LITAF: variants seen among roughly 807,000 people sequenced by gnomAD.
The protein encoded by LITAF is lipopolysaccharide-induced tumor necrosis factor-alpha factor.
LITAF carries 9 observed loss-of-function variants against 14.5 expected under a neutral mutation model. That is an observed-to-expected ratio of 0.62 (90% CI 0.37 to 1.08). The LOEUF (loss-of-function observed/expected upper bound fraction) is 1.08. Among genes scored for constraint, LITAF ranks in the 50% least tolerant of loss-of-function variants. LITAF has a pLI of 0.01. For missense variants in LITAF, 206 were observed against 213.4 expected (o/e 0.97, Z 0.22); for synonymous variants, 98 against 88.2 (o/e 1.11, Z -0.62).
rs1567231665 is a variant in LITAF, at chr16:11,547,960, T to A, written c.*1677A>T. Reference sequence around the variant, plus strand: ...TGTAGCAATGGCTGGAAATGCAACATGAGCCCTTTCTTCACACCAAAAGAA... The same window carrying A: ...TGTAGCAATGGCTGGAAATGCAACAAGAGCCCTTTCTTCACACCAAAAGAA... On this transcript the variant is annotated 3_prime_UTR_variant, in exon 4 of 4. Coordinates refer to ENST00000622633, the MANE Select transcript of LITAF (RefSeq NM_001136472.2). The A allele has an allele frequency of 4.4e-6, 2 of 454,146 alleles. No homozygotes were observed. Among genetic ancestry groups the A allele is most frequent in the Admixed American group, 4.7e-5 (2 of 42,562 alleles). The allele number at this position is 454,146 out of a possible 1,614,324, so 28.1% of individuals were successfully genotyped here. A position where few individuals can be genotyped will look rare whatever the true frequency, so the allele number is the denominator to read the frequency against.
intron 1 of LITAF, among the ~76,000 whole-genome samples, chr16:11,581,776 A>G (rs769115458): frequency 6.6e-6 from 1 of 152,212 alleles, no homozygotes; most frequent in Non-Finnish European, 1.5e-5. Context: ...AACAGGTTTT[A>G]AAGGAATCTC....
chr16:11,631,309 G>A (rs1156674461), intron 3 of LITAF, among the ~76,000 whole-genome samples: 8 of 152,212 alleles, frequency 5.3e-5, no homozygotes, highest in Non-Finnish European at 1.2e-4. Context: ...CCCCCTGGAG[G>A]ATCTAGGGAG....
At chr16:11,584,925 G>T (rs780857922) in intron 1 of LITAF, among the ~76,000 whole-genome samples, 29 of 152,262 alleles carry the variant, frequency 1.9e-4, no homozygotes, top group African/African-American at 6.7e-4. Context: ...CTTAAGAAAT[G>T]GGCCGGGTGA....
rs1213305433 is a variant in LITAF, at chr16:11,553,526, G to A, written c.377+7C>T. 1 of 1,613,732 alleles carries A rather than the reference G, an allele frequency of 6.2e-7. No homozygotes were observed. The highest frequency in any genetic ancestry group is 1.1e-5 in the South Asian group (1 of 91,062). ...ATGGCTTGGGGCCAAGTGGGAGGCA[G>A]ACTCACCCCAGCAGGCACAGGCTCC... On this transcript the variant is annotated splice_region_variant and intron_variant, in intron 3 of 3. Transcript: ENST00000622633. This position sits in a 1 kb window ranked among gnomAD's most constrained non-coding sequence, Gnocchi z 7.7.
At chr16:11,569,083 G>A (rs1472595930) in intron 1 of LITAF, among the ~76,000 whole-genome samples, 1 of 152,192 alleles carries the variant, frequency 6.6e-6, no homozygotes. Context: ...GGAAGGACGA[G>A]TAGGACGGAT....
chr16:11,623,812 C>T lies in LITAF; in HGVS notation c.85+9721G>A, dbSNP rs138287784. On this transcript the variant is annotated intron_variant, in intron 3 of 3. Transcript: ENST00000574848. ...TGAAACCCCGTCTCTACTAAAAATA[C>T]AAAAATTACCTGGGCATGGTGGCAG... Among the ~76,000 whole-genome samples the T allele has an allele frequency of 7.3e-5, 11 of 151,356 alleles. No individual in the cohort carries two copies. The East Asian group carries it at 2.2e-3, about 30-fold the overall frequency.
At chr16:11,627,175 G>A (rs935282611) in intron 3 of LITAF, among the ~76,000 whole-genome samples, 3 of 152,202 alleles carry the variant, frequency 2.0e-5, no homozygotes, top group African/African-American at 7.2e-5. Flanking sequence ...CTCAGTGATT[G>A]CTCCAGTAAT....
chr16:11,612,586 G>A (rs572342430), intron 3 of LITAF, among the ~76,000 whole-genome samples: 43 of 152,318 alleles, frequency 2.8e-4, no homozygotes, highest in Middle Eastern at 3.4e-3. Context: ...GGACGCTCAC[G>A]TGCACAGAGA....
intron 2 of LITAF, among the ~76,000 whole-genome samples, chr16:11,554,286 T>C (rs1346090711): frequency 2.0e-5 from 3 of 152,084 alleles, no homozygotes; most frequent in Non-Finnish European, 4.4e-5. Context: ...CAGCTCTTGA[T>C]AAATAATCCA....
chr16:11,600,090 T>C (rs757838053), upstream of LITAF, among the ~76,000 whole-genome samples: 1 of 152,142 alleles, frequency 6.6e-6, no homozygotes, highest in Non-Finnish European at 1.5e-5. This position sits in a 1 kb window ranked among gnomAD's most constrained non-coding sequence, Gnocchi z 4.1. Flanking sequence ...CTCAAACTCC[T>C]AGGCTCAAGC....
chr16:11,620,557 T>A (rs2065044063), intron 3 of LITAF, among the ~76,000 whole-genome samples: 1 of 152,146 alleles, frequency 6.6e-6, no homozygotes, highest in African/African-American at 2.4e-5. Flanking sequence ...ACAGGTATGT[T>A]TTTACAGCAA....
chr16:11,584,294 CCT>C (rs3048042), intron 1 of LITAF: 37,224 of 152,006 alleles, frequency 0.24, 5,268 homozygotes, highest in East Asian at 0.49. Flanking sequence ...TCTTGCAGAT[CCT>C]CTTTTTTCCA....
At chr16:11,628,264 G>A (rs1047061896) in intron 3 of LITAF, among the ~76,000 whole-genome samples, 4 of 152,052 alleles carry the variant, frequency 2.6e-5, no homozygotes, top group African/African-American at 9.7e-5. Context: ...CAGATAACTC[G>A]CTAAACTTGG....
At chr16:11,613,972 C>A (rs1350834573) in intron 3 of LITAF, among the ~76,000 whole-genome samples, 1 of 152,318 alleles carries the variant, frequency 6.6e-6, no homozygotes, top group South Asian at 2.1e-4. Context: ...TGCTTCCTGG[C>A]AGGTCCTGAG....
chr16:11,576,979 TG>T (rs2064646792), intron 1 of LITAF, among the ~76,000 whole-genome samples: 1 of 152,182 alleles, frequency 6.6e-6, no homozygotes, highest in African/African-American at 2.4e-5. Context: ...GGGAACAGGG[TG>T]GTGGTGGACA....
In LITAF at chr16:11,570,001, G is replaced by A. The variant is rs529013072; in HGVS notation, c.-5-13266C>T. Reference sequence around the variant, plus strand: ...AGACGAGACGCACTGCTGCACTCCCGCCTGGGCCACAGAGCGAGACTTTGC... The same window carrying A: ...AGACGAGACGCACTGCTGCACTCCCACCTGGGCCACAGAGCGAGACTTTGC... On this transcript the variant is annotated intron_variant, in intron 1 of 3. Coordinates refer to ENST00000622633, the MANE Select transcript of LITAF (RefSeq NM_001136472.2). 6.0e-5 allele frequency among the ~76,000 whole-genome samples: 9 copies of A among 149,448 alleles called. No individual in the cohort carries two copies. The South Asian group carries it at 6.3e-4, about 10-fold the overall frequency.
At chr16:11,603,638 C>T (rs59715486) in intron 3 of LITAF, among the ~76,000 whole-genome samples, 51,014 of 152,120 alleles carry the variant, frequency 0.34, 11,344 homozygotes, top group African/African-American at 0.62. Context: ...AGAAATGGTT[C>T]GGAAAATCCG....
intron 1 of LITAF, among the ~76,000 whole-genome samples, chr16:11,567,167 C>G (rs1262869891): frequency 1.3e-5 from 2 of 151,924 alleles, no homozygotes; most frequent in African/African-American, 4.8e-5. Flanking sequence ...CGCCTGTAAT[C>G]CCAGCACTTT....
In LITAF at chr16:11,547,894, G is replaced by A. The variant is rs755358385; in HGVS notation, c.*1743C>T. On this transcript the variant is annotated 3_prime_UTR_variant, in exon 4 of 4. Transcript: ENST00000622633. ...TTCAGCAAGTCTGAAGTTTTTAATCGGGAAGGATTTTCTACCGTTACTGAA... is the reference window on the plus strand; with the variant it reads ...TTCAGCAAGTCTGAAGTTTTTAATCAGGAAGGATTTTCTACCGTTACTGAA... 2 of 454,066 alleles carry A rather than the reference G, an allele frequency of 4.4e-6. No homozygotes were observed. Among genetic ancestry groups the A allele is most frequent in the Non-Finnish European group, 4.4e-6 (1 of 226,800 alleles). 28.1% of individuals were successfully genotyped at this position (454,066 alleles called of 1,614,324 possible). A position where few individuals can be genotyped will look rare whatever the true frequency, so the allele number is the denominator to read the frequency against.
Sources: allele counts gnomAD v4.1 joint callset (sites outside exome capture counted in the v4.1 genomes callset), GRCh38; gene constraint gnomAD v4.1.1; non-coding constraint Gnocchi (gnomAD v3.1); transcripts MANE v1.5; gene names NCBI Gene and HGNC (gene_info 2026-07-23, HGNC 2026-07-21).